PSMB7: variants seen among roughly 807,000 people sequenced by gnomAD.
PSMB7 encodes the protein proteasome subunit beta type-7.
Under a neutral mutation model 28.1 loss-of-function variants are expected in PSMB7, and 5 were observed. The ratio of observed to expected loss-of-function variants is 0.18; its 90% CI spans 0.09 to 0.37. PSMB7 has a LOEUF of 0.37. Among genes scored for constraint, PSMB7 ranks in the 10% least tolerant of loss-of-function variants. The pLI, the probability that PSMB7 is intolerant of heterozygous loss-of-function variation, is 1.00. For synonymous variants in PSMB7, 122 were observed against 123.7 expected, an observed-to-expected ratio of 0.99 and a Z score of 0.09; for missense variants, 275 against 346.2, an observed-to-expected ratio of 0.79 and a Z score of 1.63.
chr9:124,383,009 T>C (rs1035350723), intron 6 of PSMB7, among the ~76,000 whole-genome samples: 1 of 152,220 alleles, frequency 6.6e-6, no homozygotes, highest in South Asian at 2.1e-4. Flanking sequence ...ATTACTGAGG[T>C]GATTTTCTAA....
At chr9:124,359,820 T>G (rs1340900856) in intron 6 of PSMB7, among the ~76,000 whole-genome samples, 1 of 152,178 alleles carries the variant, frequency 6.6e-6, no homozygotes, top group African/African-American at 2.4e-5. Context: ...GACTACCACT[T>G]CAAGGGCCTT....
chr9:124,406,123 C>G (rs188729469), intron 4 of PSMB7, among the ~76,000 whole-genome samples: 1 of 152,192 alleles, frequency 6.6e-6, no homozygotes, highest in African/African-American at 2.4e-5. Context: ...TCCCATCACA[C>G]CTCTCTGTGA....
intron 5 of PSMB7, among the ~76,000 whole-genome samples, chr9:124,402,063 C>T (rs932340209): frequency 6.6e-6 from 1 of 151,272 alleles, no homozygotes; most frequent in Non-Finnish European, 1.5e-5. Flanking sequence ...ACAAACAAGA[C>T]CTCAAAGTAA....
At chr9:124,381,692 C>T (rs564036245) in intron 6 of PSMB7, among the ~76,000 whole-genome samples, 67 of 152,302 alleles carry the variant, frequency 4.4e-4, no homozygotes, top group Admixed American at 2.5e-3. Context: ...TCTATACAGA[C>T]GCAGAACCAG....
intron 5 of PSMB7, among the ~76,000 whole-genome samples, chr9:124,400,486 A>G (rs1261109436): frequency 6.6e-6 from 1 of 152,120 alleles, no homozygotes; most frequent in Non-Finnish European, 1.5e-5. Context: ...CTGCCATCTG[A>G]GCTGAGGCTG....
intron 5 of PSMB7, among the ~76,000 whole-genome samples, chr9:124,385,950 C>G (rs17315546): frequency 6.6e-6 from 1 of 151,856 alleles, no homozygotes; most frequent in Non-Finnish European, 1.5e-5. Context: ...ATGGTAATCC[C>G]GATGAATATG....
At chr9:124,411,812 G>A (rs12346358) in intron 4 of PSMB7, among the ~76,000 whole-genome samples, 9,586 of 152,302 alleles carry the variant, frequency 0.063, 913 homozygotes, top group East Asian at 0.45. Context: ...CTATCTCAGA[G>A]TTAAAAGGAT....
Position 124,412,468 on chromosome 9 carries a change from T to C in PSMB7, c.279A>G (p.Ala93=), listed in dbSNP as rs748108389. 3.1e-6 allele frequency: 5 copies of C among 1,614,140 alleles called. No homozygotes were observed. The South Asian group carries it at 5.5e-5, about 18-fold the overall frequency. ...NIYCCGAGTA[A]DTDMTTQLIS... ...TGAGCTGGGTTGTCATGTCTGTGTC[T>C]GCAGCTGTCCCAGCACCACAACAAC... The change falls in exon 4 of 8, where the codon GCA becomes GCG. Residue 93 remains alanine, a synonymous_variant. Transcript: ENST00000259457.
chr9:124,364,363 G>A (rs545324971), intron 6 of PSMB7, among the ~76,000 whole-genome samples: 6 of 152,086 alleles, frequency 3.9e-5, no homozygotes, highest in Admixed American at 6.5e-5. Context: ...GCTGGAATCC[G>A]TGACAGTGAA....
intron 5 of PSMB7, among the ~76,000 whole-genome samples, chr9:124,387,552 C>G (rs1830738798): frequency 6.6e-6 from 1 of 152,158 alleles, no homozygotes; most frequent in African/African-American, 2.4e-5. Flanking sequence ...CAACCTGATT[C>G]TGCTTCCCAT....
intron 6 of PSMB7, among the ~76,000 whole-genome samples, chr9:124,357,569 G>GT: frequency 6.6e-6 from 1 of 152,316 alleles, no homozygotes; most frequent in East Asian, 1.9e-4. Flanking sequence ...GAACCTATAG[G>GT]TTCACTGAAG....
chr9:124,362,599 C>G (rs1830473073), intron 6 of PSMB7, among the ~76,000 whole-genome samples: 1 of 152,162 alleles, frequency 6.6e-6, no homozygotes, highest in South Asian at 2.1e-4. Context: ...TGGGGAGATG[C>G]TGGCCAAAGG....
At chr9:124,366,020 G>C (rs1830503475) in intron 6 of PSMB7, among the ~76,000 whole-genome samples, 1 of 152,096 alleles carries the variant, frequency 6.6e-6, no homozygotes, top group African/African-American at 2.4e-5. Context: ...GATGGCCCTG[G>C]CCCTGCAAAG....
rs1312905330 is a variant in PSMB7, at chr9:124,357,934, C to G, written c.571-1019G>C. On this transcript the variant is annotated intron_variant, in intron 6 of 7. Transcript: ENST00000259457. The stretch of plus-strand genomic sequence containing the variant: ...TGCACACGAGGCACTCAGAAAACAG[C>G]AGTGAAACAGAAGGCAGGCAGCAAC... Among the ~76,000 whole-genome samples, 12 of 152,314 alleles carry G rather than the reference C, an allele frequency of 7.9e-5. No homozygotes were observed. The East Asian group carries it at 2.3e-3, about 29-fold the overall frequency.
chr9:124,398,513 T>C, intron 5 of PSMB7: 2 of 324,580 alleles, frequency 6.2e-6, no homozygotes, highest in Admixed American at 4.9e-5. Context: ...TCACGTTGTT[T>C]TTGGGTAGTA....
chr9:124,387,236 ACT>A (rs571292173), intron 5 of PSMB7, among the ~76,000 whole-genome samples: 213 of 152,220 alleles, frequency 1.4e-3, no homozygotes, highest in Middle Eastern at 0.01. Flanking sequence ...ACAGAGCAAG[ACT>A]CTGTCTCAAA....
chr9:124,412,719 A>G (rs1831041632), intron 3 of PSMB7, among the ~76,000 whole-genome samples: 1 of 152,258 alleles, frequency 6.6e-6, no homozygotes, highest in South Asian at 2.1e-4. Context: ...AACACATGAA[A>G]TTATTGGTTT....
At chr9:124,357,038 C>T in intron 6 of PSMB7, 123 bp from the exon 7 acceptor site, 3 of 1,061,256 alleles carry the variant, frequency 2.8e-6, no homozygotes, top group Non-Finnish European at 2.7e-6. Context: ...TTTTAATGCC[C>T]ATCTCACAGA....
In PSMB7 at chr9:124,381,503, C is replaced by G. The variant is rs1464497331; in HGVS notation, c.570+3095G>C. On this transcript the variant is annotated intron_variant, in intron 6 of 7. Coordinates refer to ENST00000259457, the MANE Select transcript of PSMB7 (RefSeq NM_002799.4). Reference sequence around the variant, plus strand: ...CAGTGCTATTCTCCTGGCTTTCTGTCTGAGACACATCTTTCCACACTGAAA... The same window carrying G: ...CAGTGCTATTCTCCTGGCTTTCTGTGTGAGACACATCTTTCCACACTGAAA... Among the ~76,000 whole-genome samples, 4 of 152,202 alleles carry G rather than the reference C, an allele frequency of 2.6e-5. No individual in the cohort carries two copies. In the South Asian group the frequency reaches 8.3e-4, roughly 31 times the overall value.
Sources: gnomAD v4.1 joint callset for allele counts (sites outside exome capture counted in the v4.1 genomes callset) on GRCh38, gnomAD v4.1.1 for gene constraint, MANE v1.5 for transcripts, NCBI Gene and HGNC (gene_info 2026-07-23, HGNC 2026-07-21) for gene names.